Variants in RBFOX1 observed in about 807,000 individuals in gnomAD.
RBFOX1 encodes the protein RNA binding protein fox-1 homolog 1.
A neutral mutation model predicts 57.7 loss-of-function variants in RBFOX1; 8 were observed. The observed-to-expected ratio is 0.14, with a 90% confidence interval of 0.08 to 0.25. The LOEUF (loss-of-function observed/expected upper bound fraction) is 0.25, where lower values mean the gene tolerates loss of function less well. Ranked by LOEUF, RBFOX1 falls within the 10% of genes least tolerant of loss-of-function variation. RBFOX1 has a pLI of 1.00. For synonymous variants in RBFOX1, 326 were observed against 222.4 expected (o/e 1.47, Z -4.15); for missense variants, 611 against 548.5 (o/e 1.11, Z -1.14).
intron 2 of RBFOX1, among the ~76,000 whole-genome samples, chr16:5,541,069 C>T (rs1274064798): frequency 2.0e-5 from 3 of 151,998 alleles, no homozygotes; most frequent in South Asian, 2.1e-4. Flanking sequence ...GGGCTGATCT[C>T]GAACCCCTGG....
At chr16:6,095,886 C>T (rs1237162534) in intron 1 of RBFOX1, among the ~76,000 whole-genome samples, 1 of 152,160 alleles carries the variant, frequency 6.6e-6, no homozygotes, top group Non-Finnish European at 1.5e-5. Context: ...TGTCTATCTC[C>T]TGGCGTGCCT....
At chr16:7,592,341 T>G (rs1186145955) in intron 7 of RBFOX1, among the ~76,000 whole-genome samples, 4 of 152,246 alleles carry the variant, frequency 2.6e-5, no homozygotes, top group Non-Finnish European at 5.9e-5. Flanking sequence ...TATTTCTCTT[T>G]CCACCTTTGT....
chr16:5,737,416 G>A (rs569738457), intron 3 of RBFOX1, among the ~76,000 whole-genome samples: 1 of 152,096 alleles, frequency 6.6e-6, no homozygotes, highest in Admixed American at 6.5e-5. Context: ...AACCTAGGAG[G>A]TGGAGGTTGC....
At chr16:6,590,044 A>C (rs2097688885) in intron 2 of RBFOX1, among the ~76,000 whole-genome samples, 2 of 152,200 alleles carry the variant, frequency 1.3e-5, no homozygotes, top group Admixed American at 1.3e-4. Flanking sequence ...TCTTGGCCAA[A>C]AAGAAAAAGG....
intron 4 of RBFOX1, among the ~76,000 whole-genome samples, chr16:7,126,887 T>C (rs556766406): frequency 6.6e-6 from 1 of 151,716 alleles, no homozygotes; most frequent in African/African-American, 2.4e-5. Context: ...CAGGCACCTG[T>C]AATCCCAGCT....
At chr16:7,067,496 A>G (rs1423614711) in intron 4 of RBFOX1, among the ~76,000 whole-genome samples, 1 of 149,282 alleles carries the variant, frequency 6.7e-6, no homozygotes, top group Non-Finnish European at 1.5e-5. Context: ...AATTCCCTGT[A>G]GTTGTAGAAC....
In RBFOX1 at chr16:7,702,498, A is replaced by C. The variant is rs374334643; in HGVS notation, c.996-6558A>C. Among the ~76,000 whole-genome samples the C allele has an allele frequency of 1.3e-3, 197 of 152,340 alleles. 5 individuals carry two copies. In the South Asian group the frequency reaches 0.038, roughly 30 times the overall value. On this transcript the variant is annotated intron_variant, in intron 14 of 15. Transcript: ENST00000550418. ...TTTAGTGACGAGTATGGGATGGTTG[A>C]GTTGGAAAACATAAATGCCCATAAC...
At chr16:5,508,979 A>C (rs1448500488) in intron 2 of RBFOX1, among the ~76,000 whole-genome samples, 1 of 152,172 alleles carries the variant, frequency 6.6e-6, no homozygotes, top group African/African-American at 2.4e-5. Context: ...GGATGTACTT[A>C]AACTCCAGGG....
At chr16:6,606,724 A>G (rs921716315) in intron 2 of RBFOX1, among the ~76,000 whole-genome samples, 2 of 152,130 alleles carry the variant, frequency 1.3e-5, no homozygotes, top group African/African-American at 2.4e-5. Context: ...TCCATGTTGC[A>G]TATGTACCAC....
intron 4 of RBFOX1, among the ~76,000 whole-genome samples, chr16:7,110,788 G>C (rs946973410): frequency 6.6e-6 from 1 of 152,136 alleles, no homozygotes; most frequent in Non-Finnish European, 1.5e-5. Flanking sequence ...CATGTCACAG[G>C]AGAAAATTTT....
chr16:6,404,991 C>G (rs1187932697), intron 2 of RBFOX1, among the ~76,000 whole-genome samples: 2 of 152,156 alleles, frequency 1.3e-5, no homozygotes, highest in East Asian at 1.9e-4. Context: ...GAACTTCGAA[C>G]TAATTCTAGA....
intron 3 of RBFOX1, among the ~76,000 whole-genome samples, chr16:6,898,903 ATG>A (rs377336106): frequency 0.08 from 10,861 of 135,248 alleles, 1,326 homozygotes; most frequent in African/African-American, 0.31. Context: ...TGCATCTCGT[ATG>A]TGTTTGTGCA....
At chr16:7,592,338 C>T (rs934101857) in intron 7 of RBFOX1, among the ~76,000 whole-genome samples, 2 of 152,216 alleles carry the variant, frequency 1.3e-5, no homozygotes, top group Non-Finnish European at 2.9e-5. Context: ...ATGTATTTCT[C>T]TTTCCACCTT....
intron 4 of RBFOX1, among the ~76,000 whole-genome samples, chr16:7,089,637 A>C (rs1208452034): frequency 6.6e-6 from 1 of 152,200 alleles, no homozygotes; most frequent in Non-Finnish European, 1.5e-5. Context: ...GTTAGCTCTT[A>C]CATATGTACA....
intron 11 of RBFOX1, among the ~76,000 whole-genome samples, chr16:7,643,852 A>C (rs1339459153): frequency 6.6e-6 from 1 of 152,116 alleles, no homozygotes; most frequent in African/African-American, 2.4e-5. Flanking sequence ...CTAACAGAAG[A>C]AATGGCGGGC....
chr16:5,423,556 G>T (rs1173018213), intron 1 of RBFOX1, among the ~76,000 whole-genome samples: 1 of 152,184 alleles, frequency 6.6e-6, no homozygotes, highest in African/African-American at 2.4e-5. Context: ...CTGGGCTGTT[G>T]CTGCGTGTCT....
At chr16:7,510,978 A>C (rs4787040) in intron 4 of RBFOX1, among the ~76,000 whole-genome samples, 2 of 152,046 alleles carry the variant, frequency 1.3e-5, no homozygotes, top group Non-Finnish European at 2.9e-5. Flanking sequence ...GGGGACAAGT[A>C]AATTCCAGAT....
chr16:7,635,645 A>G (rs969676158), intron 11 of RBFOX1, among the ~76,000 whole-genome samples: 2 of 144,094 alleles, frequency 1.4e-5, no homozygotes, highest in Non-Finnish European at 3.0e-5. Context: ...GACATTACAT[A>G]TATCAATCAT....
At chr16:7,112,453 C>T (rs555071945) in intron 4 of RBFOX1, among the ~76,000 whole-genome samples, 16 of 151,874 alleles carry the variant, frequency 1.1e-4, no homozygotes, top group African/African-American at 3.9e-4. Context: ...GTTGTCCGCC[C>T]GCCTCAGCCT....
Sources: gnomAD v4.1 joint callset for allele counts (sites outside exome capture counted in the v4.1 genomes callset) on GRCh38, gnomAD v4.1.1 for gene constraint, MANE v1.5 for transcripts, NCBI Gene and HGNC (gene_info 2026-07-23, HGNC 2026-07-21) for gene names.